The following ADCY7 variants were observed in gnomAD, a reference collection of about 807,000 sequenced individuals.
ADCY7 encodes the protein adenylate cyclase 7.
In ADCY7, 72 loss-of-function variants were observed where a neutral mutation model predicts 120.6. The ratio of observed to expected loss-of-function variants is 0.60; its 90% CI spans 0.49 to 0.73. ADCY7 has a LOEUF of 0.73. Ranked by LOEUF, ADCY7 falls within the 30% of genes least tolerant of loss-of-function variation. The probability of loss-of-function intolerance (pLI) is 0.00; values close to 1 mark genes in which losing one functional copy is unlikely to be tolerated. For synonymous variants in ADCY7, 661 were observed against 628.0 expected (o/e 1.05, Z -0.78); for missense variants, 1,227 against 1,486.0 (o/e 0.83, Z 2.87).
intron 9 of ADCY7, 88 bp from the exon 10 acceptor site, chr16:50,300,994 G>T: frequency 6.4e-7 from 1 of 1,552,758 alleles, no homozygotes; most frequent in Non-Finnish European, 8.7e-7. Context: ...AAGCTGGCCT[G>T]GGGCCCAGGC....
At chr16:50,294,228 T>C (rs770023499) in intron 6 of ADCY7, among the ~76,000 whole-genome samples, 3 of 152,158 alleles carry the variant, frequency 2.0e-5, no homozygotes, top group Non-Finnish European at 4.4e-5. Flanking sequence ...GAGGACTCGA[T>C]GCCTGTAAAG....
At chr16:50,279,000 T>C (rs1290078215) in intron 1 of ADCY7, among the ~76,000 whole-genome samples, 2 of 151,780 alleles carry the variant, frequency 1.3e-5, no homozygotes, top group African/African-American at 4.8e-5. Context: ...GCCTCGCGAG[T>C]AGCTGGGACT....
chr16:50,289,859 C>G (rs1334243032), intron 2 of ADCY7, among the ~76,000 whole-genome samples: 1 of 152,242 alleles, frequency 6.6e-6, no homozygotes, highest in Non-Finnish European at 1.5e-5. Context: ...GTGGCCAGGA[C>G]CTAGCAGCTG....
At chr16:50,278,972 A>G (rs1209111224) in intron 1 of ADCY7, among the ~76,000 whole-genome samples, 2 of 151,642 alleles carry the variant, frequency 1.3e-5, no homozygotes, top group Non-Finnish European at 2.9e-5. Context: ...CCCGAGTTCA[A>G]GTGATTCTCA....
intron 1 of ADCY7, among the ~76,000 whole-genome samples, chr16:50,255,577 C>T (rs903432886): frequency 6.6e-6 from 1 of 152,194 alleles, no homozygotes; most frequent in African/African-American, 2.4e-5. Flanking sequence ...TCACTGCAAA[C>T]TCTGCCTCCC....
At chr16:50,305,655 G>C (rs1445982006) in intron 13 of ADCY7, 69 bp downstream of exon 13, 1 of 1,518,880 alleles carries the variant, frequency 6.6e-7, no homozygotes. Context: ...TATATGGGCA[G>C]GCCCATCTCA....
At chr16:50,249,914 T>C (rs924783234) in intron 1 of ADCY7, among the ~76,000 whole-genome samples, 1 of 149,500 alleles carries the variant, frequency 6.7e-6, no homozygotes, top group Non-Finnish European at 1.5e-5. Context: ...GGAGCCCCTG[T>C]TCAGTTAACA....
intron 19 of ADCY7, 75 bp from the exon 20 acceptor site, chr16:50,311,618 G>T (rs2036466717): frequency 9.6e-7 from 1 of 1,039,154 alleles, no homozygotes; most frequent in African/African-American, 1.6e-5. Flanking sequence ...GGGTGTGCGT[G>T]GCACCTGGAG....
intron 4 of ADCY7, 88 bp from the exon 5 acceptor site, chr16:50,292,588 G>A (rs1337793779): frequency 2.7e-6 from 4 of 1,496,234 alleles, no homozygotes; most frequent in Non-Finnish European, 2.7e-6. Context: ...ATGGGAAGAG[G>A]TGCCATCACT....
At chr16:50,305,963 G>T (rs1596969405) in intron 14 of ADCY7, 114 bp downstream of exon 14, 3 of 1,037,920 alleles carry the variant, frequency 2.9e-6, no homozygotes, top group African/African-American at 1.6e-5. Context: ...TAGGGGAGGG[G>T]CACTGAGAAT....
At chr16:50,250,089 G>A (rs762570513) in intron 1 of ADCY7, among the ~76,000 whole-genome samples, 10 of 152,070 alleles carry the variant, frequency 6.6e-5, no homozygotes, top group East Asian at 1.9e-4. Context: ...TATACAATGC[G>A]GACAGTAAGA....
chr16:50,258,114 A>C (rs373513897), intron 1 of ADCY7, among the ~76,000 whole-genome samples: 8 of 152,034 alleles, frequency 5.3e-5, no homozygotes, highest in African/African-American at 1.9e-4. Context: ...TTGTAATGTA[A>C]CCTCCAAGCT....
chr16:50,271,532 G>A (rs1397547287), intron 1 of ADCY7, among the ~76,000 whole-genome samples: 15 of 152,198 alleles, frequency 9.9e-5, no homozygotes, highest in Admixed American at 9.8e-4. Context: ...GGGCCTGGGA[G>A]AAGGTCCTCC....
intron 24 of ADCY7, 138 bp downstream of exon 24, chr16:50,314,544 G>C (rs1160484698): frequency 1.6e-6 from 1 of 632,900 alleles, no homozygotes; most frequent in Non-Finnish European, 2.8e-6. Flanking sequence ...TCAGCAGTTG[G>C]ACAATTATTC....
Position 50,304,969 on chromosome 16 carries a change from C to T in ADCY7, c.1595+10C>T, listed in dbSNP as rs1402655956. 6 of 1,613,092 alleles carry T rather than the reference C, an allele frequency of 3.7e-6. No homozygotes were observed. The African/African-American group carries it at 4.0e-5, about 11-fold the overall frequency. On this transcript the variant is annotated intron_variant, in intron 12 of 25. Coordinates refer to ENST00000673801, the MANE Select transcript of ADCY7 (RefSeq NM_001114.5). ...GCCGGACCCCAGACAGGTGCGTGCC[C>T]TGCCCTCCTGGCCAAGTCCTGCTGC...
chr16:50,258,986 C>T (rs570538083), intron 1 of ADCY7, among the ~76,000 whole-genome samples: 14 of 152,266 alleles, frequency 9.2e-5, no homozygotes, highest in South Asian at 2.1e-4. Context: ...GAAAACTACC[C>T]ATCTCAGGGC....
chr16:50,307,214 C>A (rs987863531), intron 15 of ADCY7, 67 bp downstream of exon 15: 2 of 1,471,180 alleles, frequency 1.4e-6, no homozygotes, highest in Non-Finnish European at 9.3e-7. Flanking sequence ...GACTATGAAC[C>A]TGCAAGGAGC....
At chr16:50,308,120 A>G (rs955346185) in intron 15 of ADCY7, among the ~76,000 whole-genome samples, 1 of 152,148 alleles carries the variant, frequency 6.6e-6, no homozygotes, top group African/African-American at 2.4e-5. Context: ...AAAGAGTGAT[A>G]TGGTCTTGAC....
chr16:50,314,347 T>A lies in ADCY7; in HGVS notation c.2912T>A (p.Leu971Gln), dbSNP rs753787102. Residue 971 changes from leucine (L) to glutamine (Q), a missense_variant, in exon 24 of 26, where the codon CTG becomes CAG. Leu to Gln is a moderately radical substitution (Grantham distance 113). Transcript: ENST00000673801. ...IGVMVEFSIA[L>Q]MSKLDGINRH... ...GTCATGGTGGAGTTCAGCATCGCCC[T>A]GATGAGTAAGCTGGACGGCATCAAC... 2 of 1,614,154 alleles carry A rather than the reference T, an allele frequency of 1.2e-6. No individual in the cohort carries two copies. Among genetic ancestry groups the A allele is most frequent in the Non-Finnish European group, 1.7e-6 (2 of 1,180,026 alleles).
Sources: gnomAD v4.1 joint callset for allele counts (sites outside exome capture counted in the v4.1 genomes callset) on GRCh38, gnomAD v4.1.1 for gene constraint, MANE v1.5 for transcripts, NCBI Gene and HGNC (gene_info 2026-07-23, HGNC 2026-07-21) for gene names.